CSF1: variants seen among roughly 807,000 people sequenced by gnomAD.
CSF1 encodes colony stimulating factor 1, also known as macrophage colony-stimulating factor 1.
In CSF1, 9 loss-of-function variants were observed where a neutral mutation model predicts 48.9. That is an observed-to-expected ratio of 0.18 (90% CI 0.11 to 0.32). The LOEUF is 0.32. CSF1 is among the 10% of genes least tolerant of loss of function. The pLI is 1.00. For synonymous variants in CSF1, 305 were observed against 284.1 expected, an observed-to-expected ratio of 1.07 and a Z score of -0.74; for missense variants, 672 against 697.9, an observed-to-expected ratio of 0.96 and a Z score of 0.42.
chr1:109,914,256 C>A lies in CSF1; in HGVS notation c.40-3C>A. 6.3e-7 allele frequency: 1 copy of A among 1,599,322 alleles called. No homozygotes were observed. ...GGGAGAAATGACACCCTCTCTGTCA[C>A]AGACATGGCTGGGCTCCCTGCTGTT... On this transcript the variant is annotated splice_region_variant and splice_polypyrimidine_tract_variant and intron_variant, in intron 1 of 8. Transcript: ENST00000329608.
intron 1 of CSF1, among the ~76,000 whole-genome samples, chr1:109,911,736 G>A (rs890480635): frequency 1.3e-5 from 2 of 152,218 alleles, no homozygotes; most frequent in African/African-American, 4.8e-5. Context: ...GCAAATTCTG[G>A]TTTCATCGGT....
chr1:109,924,189 G>A lies in CSF1; in HGVS notation c.1568G>A (p.Arg523Gln), dbSNP rs769264432. The A allele has an allele frequency of 4.2e-5, 67 of 1,601,480 alleles. No homozygotes were observed. Among genetic ancestry groups the A allele is most frequent in the South Asian group, 7.8e-5 (7 of 89,216 alleles). ...GGLLFYRWRRRSHQEPQRADS... is the reference protein window; with the variant it reads ...GGLLFYRWRRQSHQEPQRADS... ...CTCTTGTTCTACAGGTGGAGGCGGC[G>A]GGTGAGTAGATCCCCATGAGGAAGA... Residue 523 changes from arginine to glutamine, a missense_variant and splice_region_variant, in exon 6 of 9, where the codon CGG becomes CAG. By Grantham distance (43) the Arg-to-Gln change is conservative. This residue lies in a region of CSF1 where 591 missense variants were observed against 593.6 expected (regional missense o/e 1.00). Coordinates refer to ENST00000329608, the MANE Select transcript of CSF1 (RefSeq NM_000757.6).
At chr1:109,912,717 T>C (rs1349485092) in intron 1 of CSF1, among the ~76,000 whole-genome samples, 1 of 152,168 alleles carries the variant, frequency 6.6e-6, no homozygotes, top group East Asian at 1.9e-4. Context: ...CTCCAGACCT[T>C]GAGTGGCAGC....
At chr1:109,913,493 AC>A (rs371100247) in intron 1 of CSF1, among the ~76,000 whole-genome samples, 4 of 152,344 alleles carry the variant, frequency 2.6e-5, no homozygotes, top group African/African-American at 9.6e-5. Flanking sequence ...GGGCTGAGCA[AC>A]TACTGGGCCA....
chr1:109,928,146 C>T (rs1252263026), intron 8 of CSF1, among the ~76,000 whole-genome samples: 1 of 152,168 alleles, frequency 6.6e-6, no homozygotes, highest in African/African-American at 2.4e-5. Context: ...AACAAAGCGT[C>T]CTGAGGATGC....
intron 8 of CSF1, among the ~76,000 whole-genome samples, chr1:109,926,914 A>T (rs1647866936): frequency 6.6e-6 from 1 of 152,130 alleles, no homozygotes; most frequent in South Asian, 2.1e-4. Flanking sequence ...TTTGCCAAAC[A>T]TGCAATAAAT....
intron 4 of CSF1, among the ~76,000 whole-genome samples, chr1:109,918,000 C>G (rs777979853): frequency 1.8e-4 from 28 of 152,072 alleles, no homozygotes; most frequent in Non-Finnish European, 3.2e-4. Context: ...GATGAGACGA[C>G]CCGAAGGAAG....
At chr1:109,926,869 C>G (rs1647865051) in intron 8 of CSF1, 1 of 152,102 alleles carries the variant, frequency 6.6e-6, no homozygotes, top group Admixed American at 6.5e-5. Context: ...TTTCTTTTTC[C>G]ATCCTGGGTT....
intron 4 of CSF1, among the ~76,000 whole-genome samples, chr1:109,919,650 G>C (rs1262185324): frequency 1.3e-5 from 2 of 152,158 alleles, no homozygotes; most frequent in African/African-American, 4.8e-5. Flanking sequence ...TAGAGAGTCT[G>C]ATACACTGGG....
At chr1:109,912,684 G>A (rs141311487) in intron 1 of CSF1, among the ~76,000 whole-genome samples, 76 of 152,312 alleles carry the variant, frequency 5.0e-4, no homozygotes, top group African/African-American at 1.7e-3. Context: ...TTCCTGAGCG[G>A]TCCCTTTCAT....
At chr1:109,916,819 G>T (rs1388199917) in intron 3 of CSF1, among the ~76,000 whole-genome samples, 8 of 152,188 alleles carry the variant, frequency 5.3e-5, no homozygotes, top group Non-Finnish European at 7.3e-5. Context: ...AGCAGAGTGG[G>T]TCTTCAAGGC....
At chr1:109,914,514 C>A in intron 2 of CSF1, 133 bp downstream of exon 2, 3 of 1,064,606 alleles carry the variant, frequency 2.8e-6, no homozygotes, top group Non-Finnish European at 3.8e-6. Flanking sequence ...GTGGTTCCCA[C>A]TAGCTCCACC....
Position 109,929,492 on chromosome 1 carries a change from G to A in CSF1, c.*654G>A, listed in dbSNP as rs913467002. ...TGTGCTGGTTGCCAGGCGCAGAGGGGAGGCCAGCCCTGCCCTCAGGACCTG... is the reference window on the plus strand; with the variant it reads ...TGTGCTGGTTGCCAGGCGCAGAGGGAAGGCCAGCCCTGCCCTCAGGACCTG... On this transcript the variant is annotated 3_prime_UTR_variant, in exon 9 of 9. Coordinates refer to ENST00000329608, the MANE Select transcript of CSF1 (RefSeq NM_000757.6). The A allele has an allele frequency of 6.5e-6, 1 of 152,938 alleles. No homozygotes were observed. Among genetic ancestry groups the A allele is most frequent in the African/African-American group, 2.4e-5 (1 of 41,450 alleles). The allele number at this position is 152,938 out of a possible 1,614,324, so 9.5% of individuals were successfully genotyped here.
intron 1 of CSF1, among the ~76,000 whole-genome samples, chr1:109,913,259 C>T (rs943681600): frequency 5.9e-5 from 9 of 152,246 alleles, no homozygotes; most frequent in Non-Finnish European, 1.2e-4. Context: ...TCACCCTACC[C>T]TGCCAGCATT....
At chr1:109,913,161 G>T (rs1180260684) in intron 1 of CSF1, among the ~76,000 whole-genome samples, 1 of 152,208 alleles carries the variant, frequency 6.6e-6, no homozygotes, top group Non-Finnish European at 1.5e-5. Flanking sequence ...GCCTCGTTGT[G>T]TTTTTCCAGT....
At chr1:109,927,827 A>C (rs150020661) in intron 8 of CSF1, among the ~76,000 whole-genome samples, 3 of 152,310 alleles carry the variant, frequency 2.0e-5, no homozygotes, top group South Asian at 2.1e-4. Flanking sequence ...AGCCACAGAA[A>C]ATGCAGACAC....
chr1:109,921,127 C>T (rs1647513803), intron 4 of CSF1, among the ~76,000 whole-genome samples: 1 of 152,136 alleles, frequency 6.6e-6, no homozygotes. Flanking sequence ...CAACTCTTAC[C>T]ATGCCACTGC....
At chr1:109,926,576 C>T (rs909192541) in intron 8 of CSF1, 1 of 152,138 alleles carries the variant, frequency 6.6e-6, no homozygotes, top group Admixed American at 6.6e-5. Context: ...GTTCCTCACC[C>T]CTGCCCCCCG....
chr1:109,919,919 T>TC (rs1647446767), intron 4 of CSF1, among the ~76,000 whole-genome samples: 1 of 148,690 alleles, frequency 6.7e-6, no homozygotes, highest in Non-Finnish European at 1.5e-5. Context: ...AGATCGAAAC[T>TC]CCATCTCAAA....
Sources: gnomAD v4.1 joint callset for allele counts (sites outside exome capture counted in the v4.1 genomes callset) on GRCh38, gnomAD v4.1.1 for gene constraint, gnomAD v4.1.1 regional missense constraint, MANE v1.5 for transcripts, NCBI Gene and HGNC (gene_info 2026-07-23, HGNC 2026-07-21) for gene names.